The following PPAT variants were observed in gnomAD, a reference collection of about 807,000 sequenced individuals.
PPAT encodes the protein phosphoribosyl pyrophosphate amidotransferase.
PPAT carries 20 observed loss-of-function variants against 60.2 expected under a neutral mutation model. That is an observed-to-expected ratio of 0.33 (90% CI 0.23 to 0.48). PPAT has a LOEUF of 0.48. Ranked by LOEUF, PPAT falls within the 20% of genes least tolerant of loss-of-function variation. The pLI, the probability that PPAT is intolerant of heterozygous loss-of-function variation, is 0.99. For missense variants in PPAT, 349 were observed against 629.6 expected (o/e 0.55, Z 4.77); for synonymous variants, 194 against 215.1 (o/e 0.90, Z 0.86).
intron 1 of PPAT, among the ~76,000 whole-genome samples, chr4:56,433,408 A>G (rs1287148486): frequency 1.3e-5 from 2 of 149,660 alleles, no homozygotes; most frequent in African/African-American, 5.1e-5. Flanking sequence ...AAAAAAAAAA[A>G]AAAAGAAAAA....
intron 9 of PPAT, 130 bp downstream of exon 9, chr4:56,399,048 TA>T: frequency 1.3e-6 from 1 of 746,730 alleles, no homozygotes; most frequent in Non-Finnish European, 2.2e-6. Flanking sequence ...CAGTTATTCC[TA>T]AACCAAACTG....
intron 3 of PPAT, among the ~76,000 whole-genome samples, chr4:56,404,887 A>G (rs1716205294): frequency 6.6e-6 from 1 of 152,168 alleles, no homozygotes; most frequent in Non-Finnish European, 1.5e-5. Context: ...AGCTTCTGTA[A>G]CTGTTCATCA....
At chr4:56,412,562 G>A (rs986436866) in intron 1 of PPAT, among the ~76,000 whole-genome samples, 2 of 152,072 alleles carry the variant, frequency 1.3e-5, no homozygotes, top group East Asian at 1.9e-4. Flanking sequence ...TCGGCTTCCC[G>A]AAGTGAGGCA....
At position 56,399,353 on chromosome 4, in the gene PPAT, C is replaced by T; in HGVS notation, c.1062G>A (p.Gly354=). 1 of 1,613,966 alleles carries T rather than the reference C, an allele frequency of 6.2e-7. No homozygotes were observed. The highest frequency in any genetic ancestry group is 1.1e-5 in the South Asian group (1 of 91,070). ...VEVLCKNRYV[G]RTFIQPNMRL... is the part of the protein sequence containing the mutation. ...TCATGTTTGGCTGAATGAAGGTTCT[C>T]CCTACATACCGGTTTTTACACAGCA... is the stretch of plus-strand genomic sequence containing the variant. Residue 354 remains glycine, a synonymous_variant, in exon 9 of 11, where the codon GGG becomes GGA. Coordinates refer to ENST00000264220, the MANE Select transcript of PPAT (RefSeq NM_002703.5).
At chr4:56,402,708 C>G (rs931671922) in intron 5 of PPAT, among the ~76,000 whole-genome samples, 1 of 150,246 alleles carries the variant, frequency 6.7e-6, no homozygotes, top group Admixed American at 6.7e-5. Flanking sequence ...CCCAGCTACT[C>G]GGGAGGCTGA....
At chr4:56,430,768 T>A (rs2110068677) in intron 1 of PPAT, among the ~76,000 whole-genome samples, 1 of 150,622 alleles carries the variant, frequency 6.6e-6, no homozygotes, top group Non-Finnish European at 1.5e-5. Context: ...AATTTGAACA[T>A]TAGACCTTAC....
At chr4:56,435,275 T>G in intron 1 of PPAT, 75 bp downstream of exon 1, 5 of 1,594,906 alleles carry the variant, frequency 3.1e-6, no homozygotes, top group African/African-American at 1.3e-5. Flanking sequence ...CGGGCGCTCA[T>G]GAGAACGCCG....
chr4:56,395,524 GACAGAT>G lies in PPAT; in HGVS notation c.1376_1381del (p.Tyr459_Leu460del), dbSNP rs1345183081. The stretch of plus-strand genomic sequence containing the variant: ...TACAGATGAAACCAGTCCTTCTACT[GACAGAT>G]ACACAACACTGTTTGCTCCTAAAGA... On this transcript the variant is annotated inframe_deletion, in exon 11 of 11. Coordinates refer to ENST00000264220, the MANE Select transcript of PPAT (RefSeq NM_002703.5). 1 of 1,594,708 alleles carries G rather than the reference GACAGAT, an allele frequency of 6.3e-7. No individual in the cohort carries two copies. Among genetic ancestry groups the G allele is most frequent in the Non-Finnish European group, 8.5e-7 (1 of 1,172,984 alleles).
At chr4:56,429,309 T>C (rs1467449137) in intron 1 of PPAT, among the ~76,000 whole-genome samples, 1 of 152,168 alleles carries the variant, frequency 6.6e-6, no homozygotes, top group Non-Finnish European at 1.5e-5. Flanking sequence ...GTCCTTTAAA[T>C]TGTACTTTAC....
chr4:56,405,388 G>C (rs1254452073), intron 3 of PPAT, among the ~76,000 whole-genome samples: 1 of 152,064 alleles, frequency 6.6e-6, no homozygotes, highest in Non-Finnish European at 1.5e-5. Context: ...CCTTAGAATT[G>C]CCAAAATGAT....
chr4:56,430,265 T>C (rs894626329), intron 1 of PPAT, among the ~76,000 whole-genome samples: 6 of 152,212 alleles, frequency 3.9e-5, no homozygotes, highest in African/African-American at 1.4e-4. Context: ...GAAGGCAGGG[T>C]CATAGGGCAT....
chr4:56,415,770 A>C (rs1161753684), intron 1 of PPAT, among the ~76,000 whole-genome samples: 1 of 152,162 alleles, frequency 6.6e-6, no homozygotes, highest in Non-Finnish European at 1.5e-5. Context: ...AATTATAAAT[A>C]AAACACCACA....
intron 1 of PPAT, among the ~76,000 whole-genome samples, chr4:56,415,325 A>G (rs1283720867): frequency 6.6e-6 from 1 of 152,224 alleles, no homozygotes; most frequent in Non-Finnish European, 1.5e-5. Context: ...TTAGTCTGCA[A>G]TTTCATGTAA....
In PPAT at chr4:56,396,634, G is replaced by A; in HGVS notation, c.1342C>T (p.Leu448Phe). 1 of 1,605,576 alleles carries A rather than the reference G, an allele frequency of 6.2e-7. No homozygotes were observed. The change falls in exon 10 of 11, where the codon CTT (leucine) becomes TTT (phenylalanine). Residue 448 changes from leucine (L) to phenylalanine (F), a missense_variant. Physicochemically the swap from Leu to Phe is conservative, Grantham distance 22. This residue lies in a region of PPAT where 167 missense variants were observed against 328.6 expected (regional missense o/e 0.51). Transcript: ENST00000264220. This position sits in a 1 kb window ranked among gnomAD's most constrained non-coding sequence, Gnocchi z 4.6. ...TAATACTTACCTAGATATTCTGCAA[G>A]GTGATCAAATTCTGGTTTATTGGCA... is the stretch of plus-strand genomic sequence containing the variant. ...LIANKPEFDH[L>F]AEYLGANSVV... is the part of the protein sequence containing the mutation.
intron 6 of PPAT, among the ~76,000 whole-genome samples, 153 bp downstream of exon 6, chr4:56,401,956 T>C (rs1410061046): frequency 1.3e-5 from 2 of 152,210 alleles, no homozygotes; most frequent in African/African-American, 2.4e-5. Flanking sequence ...GTGCAACTGC[T>C]GAGCATAACA....
chr4:56,399,782 G>C (rs1199533563), intron 8 of PPAT: 1 of 161,342 alleles, frequency 6.2e-6, no homozygotes, highest in Non-Finnish European at 1.3e-5. Flanking sequence ...GGGATAGGAA[G>C]TAATTAACCC....
intron 3 of PPAT, chr4:56,404,055 A>G (rs1171465636): frequency 2.2e-6 from 1 of 450,398 alleles, no homozygotes; most frequent in South Asian, 1.6e-5. Context: ...GGGGTTGGGG[A>G]CTCCTGCGCT....
intron 1 of PPAT, among the ~76,000 whole-genome samples, chr4:56,434,460 C>T (rs1717787407): frequency 6.6e-6 from 1 of 152,076 alleles, no homozygotes; most frequent in Admixed American, 6.5e-5. Flanking sequence ...TTTTTCTTAT[C>T]CTAGTGTAAT....
chr4:56,404,062 C>G (rs984785517), intron 3 of PPAT: 1 of 449,064 alleles, frequency 2.2e-6, no homozygotes, highest in African/African-American at 2.0e-5. Flanking sequence ...GGGACTCCTG[C>G]GCTAATAGTA....
Sources: gnomAD v4.1 joint callset for allele counts (sites outside exome capture counted in the v4.1 genomes callset) on GRCh38, gnomAD v4.1.1 for gene constraint, gnomAD v4.1.1 regional missense constraint, Gnocchi (gnomAD v3.1) non-coding constraint, MANE v1.5 for transcripts, NCBI Gene and HGNC (gene_info 2026-07-23, HGNC 2026-07-21) for gene names.